The following CHN2 variants were observed in gnomAD, a reference collection of about 807,000 sequenced individuals.
CHN2 encodes the protein chimerin 2, also known as beta-chimaerin.
A neutral mutation model predicts 56.3 loss-of-function variants in CHN2; 35 were observed. The observed-to-expected ratio is 0.62, with a 90% CI of 0.47 to 0.82. The LOEUF (loss-of-function observed/expected upper bound fraction) is 0.82. Among genes scored for constraint, CHN2 ranks in the 40% least tolerant of loss-of-function variants. CHN2 has a pLI of 0.00. For synonymous variants in CHN2, 210 were observed against 212.8 expected, an observed-to-expected ratio of 0.99 and a Z score of 0.12; for missense variants, 491 against 580.5, an observed-to-expected ratio of 0.85 and a Z score of 1.58.
chr7:29,209,599 G>A (rs1389833271), intron 1 of CHN2, among the ~76,000 whole-genome samples: 1 of 152,184 alleles, frequency 6.6e-6, no homozygotes, highest in Admixed American at 6.5e-5. Context: ...AGGGTTGAAG[G>A]TTTTGATTCT....
chr7:29,497,125 C>T (rs1020465523), intron 8 of CHN2, among the ~76,000 whole-genome samples: 1 of 152,194 alleles, frequency 6.6e-6, no homozygotes, highest in Non-Finnish European at 1.5e-5. Flanking sequence ...AGTAGTTCCA[C>T]CTCCCCCATT....
At chr7:29,238,121 G>A (rs1157059726) in intron 1 of CHN2, among the ~76,000 whole-genome samples, 2 of 149,040 alleles carry the variant, frequency 1.3e-5, no homozygotes, top group Admixed American at 6.8e-5. Context: ...GGGTTCAAGC[G>A]ATTTGCCTGC....
rs111283734 is a variant in CHN2, at chr7:29,196,545, G to A, written c.49+1555G>A. Among the ~76,000 whole-genome samples, 451 of 152,302 alleles carry A rather than the reference G, an allele frequency of 3.0e-3. 2 individuals are homozygous for A. The highest frequency in any genetic ancestry group is 0.01 in the African/African-American group (435 of 41,566). ...CTAACATTGAATTTAAAATACAGTG[G>A]TGTTGGCTTTCTATTAGCATATGGT... On this transcript the variant is annotated intron_variant, in intron 1 of 12. Transcript: ENST00000222792.
Position 29,345,971 on chromosome 7 carries a change from C to T in CHN2, c.50-8654C>T, listed in dbSNP as rs549473721. Among the ~76,000 whole-genome samples, 26 of 152,220 alleles carry T rather than the reference C, an allele frequency of 1.7e-4. 1 individual carries two copies. The highest frequency in any genetic ancestry group is 9.8e-4 in the Admixed American group (15 of 15,292). On this transcript the variant is annotated intron_variant, in intron 1 of 12. Coordinates refer to ENST00000222792, the MANE Select transcript of CHN2 (RefSeq NM_004067.4). ...TGGGACTCAAGCAGTTAGAAAAATCCGTGCTATGAGTTTCATAGTCAGACT... is the reference window on the plus strand; with the variant it reads ...TGGGACTCAAGCAGTTAGAAAAATCTGTGCTATGAGTTTCATAGTCAGACT...
At chr7:29,302,282 T>TCC (rs1562902339) in intron 1 of CHN2, among the ~76,000 whole-genome samples, 2 of 86,692 alleles carry the variant, frequency 2.3e-5, no homozygotes, top group African/African-American at 9.5e-5. Context: ...CTTCCTCCTC[T>TCC]TCTTCTTCCT....
At chr7:29,359,104 C>T (rs928989564) in intron 2 of CHN2, among the ~76,000 whole-genome samples, 1 of 152,162 alleles carries the variant, frequency 6.6e-6, no homozygotes, top group African/African-American at 2.4e-5. Flanking sequence ...GGAATTGAGT[C>T]TCAGTCTTAA....
chr7:29,389,494 T>G (rs1224205839), intron 3 of CHN2, among the ~76,000 whole-genome samples: 1 of 152,172 alleles, frequency 6.6e-6, no homozygotes, highest in Non-Finnish European at 1.5e-5. Context: ...TTCAGCTGGT[T>G]CGAGATGGGG....
At chr7:29,319,695 C>G (rs1441447932) in intron 1 of CHN2, among the ~76,000 whole-genome samples, 1 of 152,190 alleles carries the variant, frequency 6.6e-6, no homozygotes, top group Non-Finnish European at 1.5e-5. Flanking sequence ...TTCCACAAAG[C>G]TACTTTATTT....
At chr7:29,271,768 T>G (rs1461212891) in intron 1 of CHN2, among the ~76,000 whole-genome samples, 1 of 152,196 alleles carries the variant, frequency 6.6e-6, no homozygotes, top group African/African-American at 2.4e-5. Flanking sequence ...TCTCATTGCC[T>G]CTGAAAAGCA....
chr7:29,257,810 C>T (rs937420785), intron 1 of CHN2, among the ~76,000 whole-genome samples: 13 of 152,080 alleles, frequency 8.5e-5, no homozygotes, highest in South Asian at 4.1e-4. Context: ...GTTTTTGAGA[C>T]GGGGTCTCAC....
intron 1 of CHN2, among the ~76,000 whole-genome samples, chr7:29,220,993 G>A (rs139224014): frequency 1.1e-4 from 17 of 152,232 alleles, no homozygotes; most frequent in Middle Eastern, 3.4e-3. Context: ...TCAAAGCCTC[G>A]TTAAAAGAAT....
chr7:29,478,161 G>A (rs1485325438), intron 6 of CHN2, among the ~76,000 whole-genome samples: 2 of 152,214 alleles, frequency 1.3e-5, no homozygotes, highest in Non-Finnish European at 2.9e-5. Context: ...ATTAGAATCA[G>A]AATGTAAATG....
At chr7:29,512,394 A>C (rs1422693862) in intron 12 of CHN2, among the ~76,000 whole-genome samples, 170 bp from the exon 13 acceptor site, 1 of 152,172 alleles carries the variant, frequency 6.6e-6, no homozygotes, top group East Asian at 1.9e-4. Context: ...TTTAAAACGA[A>C]AAATCAGTAA....
rs142684758 is a variant in CHN2 at position 29,512,582 on chromosome 7, A to G, written c.1254A>G (p.Lys418=). 28 of 1,612,688 alleles carry G rather than the reference A, an allele frequency of 1.7e-5. No individual in the cohort carries two copies. In the African/African-American group the frequency reaches 3.2e-4, roughly 18 times the overall value. Residue 418 remains lysine (K), a synonymous_variant, in exon 13 of 13, where the codon AAA becomes AAG. Coordinates refer to ENST00000222792, the MANE Select transcript of CHN2 (RefSeq NM_004067.4). ...IHLKKVTMNE[K]DNFMNAENLG... ...TTTGCAGGGTTACTATGAATGAAAA[A>G]GACAATTTCATGAATGCAGAAAATC... is the stretch of plus-strand genomic sequence containing the variant.
At chr7:29,456,620 C>CCACCA (rs1554296782) in intron 6 of CHN2, among the ~76,000 whole-genome samples, 8 of 137,484 alleles carry the variant, frequency 5.8e-5, no homozygotes, top group South Asian at 5.1e-4. Flanking sequence ...CCCCCTCCCC[C>CCACCA]CCACCACCAC....
At chr7:29,456,621 C>A (rs1215353864) in intron 6 of CHN2, among the ~76,000 whole-genome samples, 1 of 135,248 alleles carries the variant, frequency 7.4e-6, no homozygotes, top group Non-Finnish European at 1.6e-5. Flanking sequence ...CCCCTCCCCC[C>A]CACCACCACC....
chr7:29,396,279 TC>T (rs1208902213), intron 4 of CHN2, among the ~76,000 whole-genome samples: 1 of 151,310 alleles, frequency 6.6e-6, no homozygotes, highest in Non-Finnish European at 1.5e-5. Context: ...CCGCCCCCAC[TC>T]CCCGCATCTC....
At chr7:29,307,444 C>T (rs1242315630) in intron 1 of CHN2, among the ~76,000 whole-genome samples, 1 of 152,188 alleles carries the variant, frequency 6.6e-6, no homozygotes, top group Non-Finnish European at 1.5e-5. Context: ...TCCCTGCAAA[C>T]ATGTCTCTGT....
chr7:29,311,459 G>A (rs910856514), intron 1 of CHN2, among the ~76,000 whole-genome samples: 8 of 152,056 alleles, frequency 5.3e-5, no homozygotes, highest in African/African-American at 1.4e-4. Context: ...TATTTCTCCC[G>A]TATCCTGGCT....
Sources: allele counts gnomAD v4.1 joint callset (sites outside exome capture counted in the v4.1 genomes callset), GRCh38; gene constraint gnomAD v4.1.1; transcripts MANE v1.5; gene names NCBI Gene and HGNC (gene_info 2026-07-23, HGNC 2026-07-21).